The following KDM4C variants were observed in gnomAD, a reference collection of about 807,000 sequenced individuals.
KDM4C encodes lysine-specific demethylase 4C.
KDM4C carries 81 observed loss-of-function variants against 129.3 expected under a neutral mutation model. The ratio of observed to expected loss-of-function variants is 0.63; its 90% CI spans 0.52 to 0.75. The LOEUF is 0.75. KDM4C is among the 30% of genes least tolerant of loss of function. The probability of loss-of-function intolerance (pLI) is 0.00; values close to 1 mark genes in which losing one functional copy is unlikely to be tolerated. For missense variants in KDM4C, 1,457 were observed against 1,304.0 expected (o/e 1.12, Z -1.81); for synonymous variants, 573 against 456.1 (o/e 1.26, Z -3.26).
intron 19 of KDM4C, among the ~76,000 whole-genome samples, chr9:7,149,345 G>C (rs958346920): frequency 6.6e-6 from 1 of 152,246 alleles, no homozygotes; most frequent in Admixed American, 6.5e-5. Flanking sequence ...AGAAGCCAGG[G>C]AGTGGAAGCA....
At chr9:6,912,788 G>A (rs927806146) in intron 8 of KDM4C, among the ~76,000 whole-genome samples, 2 of 152,088 alleles carry the variant, frequency 1.3e-5, no homozygotes, top group Admixed American at 6.5e-5. Context: ...GGTTGCTCCC[G>A]GAGATGTGTT....
At chr9:6,995,912 C>A (rs977074374) in intron 12 of KDM4C, among the ~76,000 whole-genome samples, 1 of 152,180 alleles carries the variant, frequency 6.6e-6, no homozygotes, top group Admixed American at 6.5e-5. Flanking sequence ...TCGTGATCTG[C>A]CCACCTCGGC....
intron 17 of KDM4C, among the ~76,000 whole-genome samples, chr9:7,054,249 G>A (rs1238717539): frequency 6.6e-6 from 1 of 152,190 alleles, no homozygotes; most frequent in East Asian, 1.9e-4. Flanking sequence ...TGGTGTGCCT[G>A]AGGACTGAAA....
chr9:6,741,676 CT>C (rs71315557), intron 1 of KDM4C, among the ~76,000 whole-genome samples: 29,167 of 94,036 alleles, frequency 0.31, 2,930 homozygotes, highest in Middle Eastern at 0.35. Context: ...GGTGGCAGCT[CT>C]TTTTTTTTTT....
intron 8 of KDM4C, among the ~76,000 whole-genome samples, chr9:6,930,436 T>A (rs993141247): frequency 4.2e-5 from 6 of 142,086 alleles, no homozygotes; most frequent in Non-Finnish European, 9.6e-5. Context: ...GTGGCAGTTA[T>A]TTAAAAATGT....
chr9:6,913,572 T>A (rs1448083832), intron 8 of KDM4C, among the ~76,000 whole-genome samples: 3 of 152,192 alleles, frequency 2.0e-5, no homozygotes, highest in African/African-American at 7.2e-5. Context: ...CTCTGAAGGG[T>A]GGGTCAGTGG....
chr9:6,805,951 T>TA lies in KDM4C; in HGVS notation c.320+180dup, dbSNP rs527768611. Among the ~76,000 whole-genome samples the TA allele has an allele frequency of 3.7e-3, 568 of 152,364 alleles. 4 individuals are homozygous for TA. The highest frequency in any genetic ancestry group is 0.013 in the African/African-American group (534 of 41,586). On this transcript the variant is annotated intron_variant, in intron 3 of 21. Transcript: ENST00000381309. ...TTAGGTGGTTGCTGAACATTTGACT[T>TA]AAAGAAATTGCTCTTTATTTTATTA...
At chr9:7,086,493 A>G (rs1835128554) in intron 17 of KDM4C, among the ~76,000 whole-genome samples, 1 of 152,170 alleles carries the variant, frequency 6.6e-6, no homozygotes, top group East Asian at 1.9e-4. Flanking sequence ...TCCACATTGG[A>G]ATAGGCTTGC....
chr9:6,766,198 A>G (rs947334417), intron 1 of KDM4C, among the ~76,000 whole-genome samples: 1 of 152,232 alleles, frequency 6.6e-6, no homozygotes, highest in Admixed American at 6.5e-5. Context: ...GCATTTTACT[A>G]TACATTACAG....
intron 19 of KDM4C, among the ~76,000 whole-genome samples, chr9:7,132,354 C>T (rs192821160): frequency 8.5e-5 from 13 of 152,226 alleles, no homozygotes; most frequent in Admixed American, 3.3e-4. Flanking sequence ...AAAATGCTTA[C>T]GTTAGCGTTA....
At chr9:7,011,220 G>T (rs887221934) in intron 12 of KDM4C, among the ~76,000 whole-genome samples, 1 of 152,110 alleles carries the variant, frequency 6.6e-6, no homozygotes, top group Non-Finnish European at 1.5e-5. Flanking sequence ...CTTGAACCCA[G>T]AATTTAATTC....
chr9:7,083,832 A>G (rs1287467343), intron 17 of KDM4C, among the ~76,000 whole-genome samples: 1 of 152,064 alleles, frequency 6.6e-6, no homozygotes, highest in South Asian at 2.1e-4. Context: ...AAGGTAAGAT[A>G]GAAGAGGTTG....
intron 18 of KDM4C, among the ~76,000 whole-genome samples, chr9:7,117,626 TACACACACACACACACACAC>T (rs71315578): frequency 1.9e-3 from 285 of 147,022 alleles, no homozygotes; most frequent in African/African-American, 6.7e-3. Context: ...TGTTAATTTC[TACACACACACACACACACAC>T]ACACACACAC....
intron 8 of KDM4C, among the ~76,000 whole-genome samples, chr9:6,895,431 G>C (rs1396886403): frequency 6.6e-6 from 1 of 152,184 alleles, no homozygotes; most frequent in Non-Finnish European, 1.5e-5. Flanking sequence ...CCTCTCTCTA[G>C]TCCTCCTGTG....
At chr9:6,996,049 T>G (rs577368382) in intron 12 of KDM4C, among the ~76,000 whole-genome samples, 44 of 152,298 alleles carry the variant, frequency 2.9e-4, no homozygotes, top group African/African-American at 1.0e-3. Flanking sequence ...AGTGGTGAAG[T>G]CTGGACTTTA....
At chr9:7,003,259 A>G (rs1260340543) in intron 12 of KDM4C, among the ~76,000 whole-genome samples, 3 of 152,196 alleles carry the variant, frequency 2.0e-5, no homozygotes, top group African/African-American at 7.2e-5. Flanking sequence ...ATAGCCAGAT[A>G]CCTTTGTTAA....
intron 17 of KDM4C, among the ~76,000 whole-genome samples, chr9:7,062,835 G>A (rs1172525707): frequency 6.6e-6 from 1 of 152,026 alleles, no homozygotes; most frequent in East Asian, 1.9e-4. Context: ...TTTTTGATAC[G>A]GGGACACAAT....
In KDM4C at chr9:7,068,682, C is replaced by CTCTCTTTTTTTTTTTTTT. The variant is rs1491581614; in HGVS notation, c.2424+19483_2424+19484insCTCTTTTTTTTTTTTTTT. Among the ~76,000 whole-genome samples, 4 of 88,534 alleles carry CTCTCTTTTTTTTTTTTTT rather than the reference C, an allele frequency of 4.5e-5. 2 individuals carry two copies. The allele number at this position is 88,534 out of a possible 152,430, so 58.1% of individuals were successfully genotyped here. ...CTATTTCATACATGTTTATGATGCCCTTTCTTTTTTTTTTTTTTTTTTTTT... is the reference window on the plus strand; with the variant it reads ...CTATTTCATACATGTTTATGATGCCCTCTCTTTTTTTTTTTTTTTTTCTTTTTTTTTTTTTTTTTTTTT... On this transcript the variant is annotated intron_variant, in intron 17 of 21. Coordinates refer to ENST00000381309, the MANE Select transcript of KDM4C (RefSeq NM_015061.6).
At chr9:6,919,238 CTTTCTTTCT>C (rs1467249907) in intron 8 of KDM4C, among the ~76,000 whole-genome samples, 2 of 91,792 alleles carry the variant, frequency 2.2e-5, no homozygotes, top group South Asian at 3.5e-4. Flanking sequence ...TTCTTTCTTT[CTTTCTTTCT>C]TTTCTTTCTT....
Sources: allele counts gnomAD v4.1 joint callset (sites outside exome capture counted in the v4.1 genomes callset), GRCh38; gene constraint gnomAD v4.1.1; transcripts MANE v1.5; gene names NCBI Gene and HGNC (gene_info 2026-07-23, HGNC 2026-07-21).